CAST: variants seen among roughly 807,000 people sequenced by gnomAD.
CAST encodes the protein MIR583 host.
CAST carries 76 observed loss-of-function variants against 119.6 expected under a neutral mutation model. The observed-to-expected ratio is 0.64, with a 90% CI of 0.53 to 0.77. The LOEUF is 0.77. Among genes scored for constraint, CAST ranks in the 30% least tolerant of loss-of-function variants. The pLI is 0.00. For synonymous variants in CAST, 319 were observed against 331.6 expected (o/e 0.96, Z 0.41); for missense variants, 953 against 946.5 (o/e 1.01, Z -0.09).
At chr5:96,253,161 T>A in the CAST span, among the ~76,000 whole-genome samples, 1 of 152,130 alleles carries the variant, frequency 6.6e-6, no homozygotes, top group African/African-American at 2.4e-5. Context: ...ACAAAGTAGA[T>A]TTTGTGGTGG....
At chr5:96,492,271 C>A in the CAST span, among the ~76,000 whole-genome samples, 1 of 152,158 alleles carries the variant, frequency 6.6e-6, no homozygotes, top group Non-Finnish European at 1.5e-5. Context: ...GCAGGGAAGT[C>A]CTATTTAGAA....
At chr5:96,175,227 A>G in the CAST span, among the ~76,000 whole-genome samples, 675 of 152,364 alleles carry the variant, frequency 4.4e-3, 5 homozygotes, top group African/African-American at 0.015. Context: ...ATTGGACAGA[A>G]CTCATCAGTT....
the CAST span, among the ~76,000 whole-genome samples, chr5:96,290,463 T>G: frequency 8.1e-6 from 1 of 123,138 alleles, no homozygotes; most frequent in Non-Finnish European, 1.7e-5. Flanking sequence ...CTATTCAAAA[T>G]TAAATTAAAT....
At chr5:96,386,120 T>C in the CAST span, among the ~76,000 whole-genome samples, 1 of 152,252 alleles carries the variant, frequency 6.6e-6, no homozygotes, top group East Asian at 1.9e-4. Flanking sequence ...GCTGTGAATA[T>C]AGTTAAGAAA....
chr5:96,115,470 G>A, the CAST span, among the ~76,000 whole-genome samples: 16 of 152,136 alleles, frequency 1.1e-4, no homozygotes, highest in African/African-American at 3.4e-4. Flanking sequence ...AGGTAGGCAT[G>A]GCTGTTACCT....
At chr5:96,696,945 G>A (rs908798045) in intron 3 of CAST, among the ~76,000 whole-genome samples, 5 of 151,974 alleles carry the variant, frequency 3.3e-5, no homozygotes, top group African/African-American at 9.7e-5. Context: ...GGCAGATCAC[G>A]AGGTCAGAAG....
the CAST span, among the ~76,000 whole-genome samples, chr5:96,257,156 G>A: frequency 6.6e-6 from 1 of 152,186 alleles, no homozygotes; most frequent in Non-Finnish European, 1.5e-5. Flanking sequence ...CTTAGGTGCA[G>A]GTCTTGATGA....
chr5:96,031,232 CAAAAAAAAAA>C, the CAST span, among the ~76,000 whole-genome samples: 1 of 63,680 alleles, frequency 1.6e-5, no homozygotes, highest in East Asian at 4.2e-4. Context: ...AGAACATGAC[CAAAAAAAAAA>C]AAAAAAAAGG....
the CAST span, among the ~76,000 whole-genome samples, chr5:96,272,647 T>A: frequency 6.6e-6 from 1 of 152,192 alleles, no homozygotes; most frequent in African/African-American, 2.4e-5. Context: ...GGTATAAATA[T>A]GCAGTTTGAT....
chr5:96,047,986 T>C, the CAST span, among the ~76,000 whole-genome samples: 2 of 152,076 alleles, frequency 1.3e-5, no homozygotes, highest in Non-Finnish European at 2.9e-5. Flanking sequence ...ATAGGGAATA[T>C]AGAACTGAAG....
chr5:96,349,194 A>C, the CAST span, among the ~76,000 whole-genome samples: 6 of 121,074 alleles, frequency 5.0e-5, no homozygotes, highest in African/African-American at 1.9e-4. Context: ...TATCCAAGGG[A>C]ATTCAATTAG....
chr5:96,003,537 CA>C, the CAST span, among the ~76,000 whole-genome samples: 5,541 of 56,754 alleles, frequency 0.098, 112 homozygotes, highest in South Asian at 0.18. Flanking sequence ...GACTCCATCT[CA>C]AAAAAAAAAA....
chr5:96,169,853 T>G, the CAST span, among the ~76,000 whole-genome samples: 1 of 152,088 alleles, frequency 6.6e-6, no homozygotes, highest in Non-Finnish European at 1.5e-5. Flanking sequence ...AGTTAAAATG[T>G]TTTGACCTAA....
the CAST span, among the ~76,000 whole-genome samples, chr5:96,099,419 G>C: frequency 8.4e-3 from 1,280 of 152,242 alleles, 8 homozygotes; most frequent in Non-Finnish European, 0.014. Flanking sequence ...CAAGGGGAAT[G>C]CTTCCAACTT....
the CAST span, among the ~76,000 whole-genome samples, chr5:96,017,452 AGGTAAGG>A: frequency 6.6e-6 from 1 of 152,224 alleles, no homozygotes; most frequent in East Asian, 1.9e-4. Context: ...CTCCACTAAA[AGGTAAGG>A]GGTTTTCCTC....
chr5:96,550,926 C>T (rs2150182140), intron 1 of CAST, among the ~76,000 whole-genome samples: 1 of 152,050 alleles, frequency 6.6e-6, no homozygotes, highest in African/African-American at 2.4e-5. Flanking sequence ...GTGAAAAGAC[C>T]AAATTTACAT....
chr5:96,765,074 AC>A (rs1769373662), intron 25 of CAST, 146 bp from the exon 26 acceptor site: 6 of 630,346 alleles, frequency 9.5e-6, no homozygotes, highest in South Asian at 2.0e-5. Context: ...CTCTTCTCTG[AC>A]CCTGTCTACT....
chr5:96,176,016 T>C, the CAST span, among the ~76,000 whole-genome samples: 1 of 152,164 alleles, frequency 6.6e-6, no homozygotes, highest in Non-Finnish European at 1.5e-5. Context: ...ATAGCGGAAA[T>C]TACAGGGAGC....
the CAST span, among the ~76,000 whole-genome samples, chr5:96,089,797 T>G: frequency 6.6e-6 from 1 of 152,258 alleles, no homozygotes; most frequent in Non-Finnish European, 1.5e-5. Context: ...CTTAAAATGT[T>G]TCTCTTGTGC....
Sources: allele counts gnomAD v4.1 joint callset (sites outside exome capture counted in the v4.1 genomes callset), GRCh38; gene constraint gnomAD v4.1.1; transcripts MANE v1.5; gene names NCBI Gene and HGNC (gene_info 2026-07-23, HGNC 2026-07-21).